Variants in SPTBN1 observed in about 807,000 individuals in gnomAD.
SPTBN1 encodes the protein spectrin beta, non-erythrocytic 1.
Under a neutral mutation model 266.4 loss-of-function variants are expected in SPTBN1, and 32 were observed. The ratio of observed to expected loss-of-function variants is 0.12; its 90% CI spans 0.09 to 0.16. The LOEUF (loss-of-function observed/expected upper bound fraction) is 0.16. Ranked by LOEUF, SPTBN1 falls within the 10% of genes least tolerant of loss-of-function variation. The pLI is 1.00. For missense variants in SPTBN1, 2,296 were observed against 3,067.1 expected (o/e 0.75, Z 5.94); for synonymous variants, 1,336 against 1,162.2 (o/e 1.15, Z -3.04).
rs1671886583 is a variant in SPTBN1, at chr2:54,540,736, T to A, written c.148+14170T>A. ...GGAGTACATGTTAGCAGTTGAAGTT[T>A]GAGAATTTCATGGTTAATTTTTCCA... On this transcript the variant is annotated intron_variant, in intron 2 of 35. Coordinates refer to ENST00000356805, the MANE Select transcript of SPTBN1 (RefSeq NM_003128.3). This position sits in a 1 kb window ranked among gnomAD's most constrained non-coding sequence, Gnocchi z 5.6. The A allele has an allele frequency of 6.6e-6, 1 of 152,240 alleles. No homozygotes were observed. Among genetic ancestry groups the A allele is most frequent in the South Asian group, 2.1e-4 (1 of 4,834 alleles). 9.4% of individuals were successfully genotyped at this position (152,240 alleles called of 1,614,324 possible).
chr2:54,481,218 G>T (rs930181046), intron 1 of SPTBN1, among the ~76,000 whole-genome samples: 1 of 151,934 alleles, frequency 6.6e-6, no homozygotes, highest in Admixed American at 6.6e-5. Flanking sequence ...GTAACCTTCA[G>T]ATACTCTTCC....
In SPTBN1 at chr2:54,655,202, T is replaced by G. The variant is rs1680569173; in HGVS notation, c.5955T>G (p.Ser1985=). ...TGTTGGCGAGAAAACACTATGCATCTGAGGAGGTAGGTTGCTACTTTGCTT... is the reference window on the plus strand; with the variant it reads ...TGTTGGCGAGAAAACACTATGCATCGGAGGAGGTAGGTTGCTACTTTGCTT... ...KSLLARKHYA[S]EEIKEKLLQL... The change falls in exon 28 of 36, where the codon TCT becomes TCG. Residue 1985 remains serine, a synonymous_variant. Transcript: ENST00000356805. 2 of 1,612,552 alleles carry G rather than the reference T, an allele frequency of 1.2e-6. No homozygotes were observed. The highest frequency in any genetic ancestry group is 1.7e-6 in the Non-Finnish European group (2 of 1,179,482).
chr2:54,519,866 C>T (rs72915054), intron 1 of SPTBN1, among the ~76,000 whole-genome samples: 5,566 of 151,950 alleles, frequency 0.037, 375 homozygotes, highest in African/African-American at 0.13. Context: ...CCCTGTGGAG[C>T]GAGAGGGAGA....
intron 2 of SPTBN1, among the ~76,000 whole-genome samples, chr2:54,552,129 T>C (rs1043604857): frequency 6.6e-6 from 1 of 152,182 alleles, no homozygotes; most frequent in African/African-American, 2.4e-5. Context: ...TCACCCTTGT[T>C]CCCAGCCTAA....
At chr2:54,602,602 C>CT (rs1676570329) in intron 3 of SPTBN1, among the ~76,000 whole-genome samples, 1 of 152,182 alleles carries the variant, frequency 6.6e-6, no homozygotes, top group African/African-American at 2.4e-5. Context: ...CAACTCTGCC[C>CT]TCCCCCAAAC....
At chr2:54,634,444 C>T (rs1284470518) in intron 17 of SPTBN1, among the ~76,000 whole-genome samples, 2 of 152,204 alleles carry the variant, frequency 1.3e-5, no homozygotes, top group African/African-American at 2.4e-5. Flanking sequence ...TAACCCTGTA[C>T]TATCAATAAG....
intron 1 of SPTBN1, among the ~76,000 whole-genome samples, chr2:54,483,600 C>T (rs1246762626): frequency 7.9e-5 from 12 of 152,158 alleles, no homozygotes; most frequent in Non-Finnish European, 1.6e-4. Context: ...TAGCACCTCC[C>T]CAGGAGCAGA....
chr2:54,475,533 C>T (rs1237493631), intron 1 of SPTBN1, among the ~76,000 whole-genome samples: 1 of 152,118 alleles, frequency 6.6e-6, no homozygotes, highest in Non-Finnish European at 1.5e-5. Context: ...GGCCTGTGTC[C>T]AGACTGCAGC....
At position 54,555,554 on chromosome 2, in the gene SPTBN1, G is replaced by A. The variant is rs79954315; in HGVS notation, c.148+28988G>A. ...TTGCACTAACCACCCAGTTGACCTT[G>A]CTGCCTTCATTTCCTCTCCTTTCTG... On this transcript the variant is annotated intron_variant, in intron 2 of 35. Transcript: ENST00000356805. 2.1e-4 allele frequency among the ~76,000 whole-genome samples: 32 copies of A among 152,206 alleles called. No individual in the cohort carries two copies. In the East Asian group the frequency reaches 5.8e-3, roughly 28 times the overall value.
chr2:54,501,442 TC>T (rs1669265416), intron 1 of SPTBN1, among the ~76,000 whole-genome samples: 1 of 152,210 alleles, frequency 6.6e-6, no homozygotes, highest in African/African-American at 2.4e-5. Context: ...ACCTTCCTTC[TC>T]CCTTTTAGGG....
intron 1 of SPTBN1, among the ~76,000 whole-genome samples, chr2:54,485,523 C>T (rs949356215): frequency 1.1e-4 from 16 of 152,212 alleles, no homozygotes; most frequent in Admixed American, 2.6e-4. Flanking sequence ...AGTGCAGTGG[C>T]GTGATCTCGG....
intron 1 of SPTBN1, among the ~76,000 whole-genome samples, chr2:54,487,238 A>G (rs1461115632): frequency 6.8e-6 from 1 of 147,776 alleles, no homozygotes; most frequent in Non-Finnish European, 1.5e-5. Context: ...TCCCTTTGAA[A>G]TTAAATAGAT....
intron 2 of SPTBN1, among the ~76,000 whole-genome samples, chr2:54,596,026 C>T (rs1374662384): frequency 1.3e-5 from 2 of 151,832 alleles, no homozygotes; most frequent in Non-Finnish European, 2.9e-5. Context: ...CCTTTTGTAC[C>T]GTGGTTGTAA....
intron 1 of SPTBN1, among the ~76,000 whole-genome samples, chr2:54,488,628 A>C (rs772153023): frequency 6.6e-6 from 1 of 152,024 alleles, no homozygotes; most frequent in Admixed American, 6.6e-5. Context: ...GTGCATTATT[A>C]TCTCATCGTG....
Position 54,629,684 on chromosome 2 carries a change from C to T in SPTBN1, c.2550C>T (p.Ala850=). Residue 850 remains alanine (A), a synonymous_variant, in exon 14 of 36, where the codon GCC becomes GCT. Coordinates refer to ENST00000356805, the MANE Select transcript of SPTBN1 (RefSeq NM_003128.3). ...LRKQALQDTL[A]LYKMFSEADA... The stretch of plus-strand genomic sequence containing the variant: ...AGCAGGCACTCCAGGACACTCTGGC[C>T]CTGTACAAGATGTTCAGCGAGGCTG... 1 of 1,613,816 alleles carries T rather than the reference C, an allele frequency of 6.2e-7. No homozygotes were observed. Among genetic ancestry groups the T allele is most frequent in the Non-Finnish European group, 8.5e-7 (1 of 1,179,990 alleles).
rs547752238 is a variant in SPTBN1 at position 54,469,827 on chromosome 2, A to G, written c.-48+13309A>G. 2.0e-5 allele frequency among the ~76,000 whole-genome samples: 3 copies of G among 152,346 alleles called. No homozygotes were observed. The South Asian group carries it at 6.2e-4, about 32-fold the overall frequency. On this transcript the variant is annotated intron_variant, in intron 1 of 35. Coordinates refer to ENST00000356805, the MANE Select transcript of SPTBN1 (RefSeq NM_003128.3). Reference sequence around the variant, plus strand: ...AGAGGGGCCTGGTCCTTCTCACAGCAAGATTGACAAGTCTGTGCTGCCAGT... The same window carrying G: ...AGAGGGGCCTGGTCCTTCTCACAGCGAGATTGACAAGTCTGTGCTGCCAGT...
At chr2:54,511,518 A>G (rs1669857583) in intron 1 of SPTBN1, among the ~76,000 whole-genome samples, 1 of 152,162 alleles carries the variant, frequency 6.6e-6, no homozygotes. Context: ...GGGATGATTG[A>G]AGCACATTAC....
intron 1 of SPTBN1, among the ~76,000 whole-genome samples, chr2:54,463,686 T>C (rs142925577): frequency 6.6e-6 from 1 of 152,374 alleles, no homozygotes; most frequent in East Asian, 1.9e-4. Context: ...ATGTGGAATT[T>C]TTGCTTAGTT....
intron 2 of SPTBN1, among the ~76,000 whole-genome samples, chr2:54,594,568 G>A (rs553559944): frequency 3.9e-5 from 6 of 152,280 alleles, no homozygotes; most frequent in African/African-American, 1.2e-4. Flanking sequence ...ATTAGATACG[G>A]AAGGACGACT....
Sources: gnomAD v4.1 joint callset for allele counts (sites outside exome capture counted in the v4.1 genomes callset) on GRCh38, gnomAD v4.1.1 for gene constraint, Gnocchi (gnomAD v3.1) non-coding constraint, MANE v1.5 for transcripts, NCBI Gene and HGNC (gene_info 2026-07-23, HGNC 2026-07-21) for gene names.